DNER: variants seen among roughly 807,000 people sequenced by gnomAD.
The protein encoded by DNER is delta and Notch-like epidermal growth factor-related receptor.
DNER carries 33 observed loss-of-function variants against 78.2 expected under a neutral mutation model. The ratio of observed to expected loss-of-function variants is 0.42; its 90% CI spans 0.32 to 0.56. The LOEUF is 0.56. Among genes scored for constraint, DNER ranks in the 20% least tolerant of loss-of-function variants. The pLI, the probability that DNER is intolerant of heterozygous loss-of-function variation, is 0.11. For missense variants in DNER, 918 were observed against 975.3 expected, an observed-to-expected ratio of 0.94 and a Z score of 0.78; for synonymous variants, 417 against 384.8, an observed-to-expected ratio of 1.08 and a Z score of -0.98.
At chr2:229,632,006 C>G (rs1698440785) in intron 1 of DNER, among the ~76,000 whole-genome samples, 1 of 152,180 alleles carries the variant, frequency 6.6e-6, no homozygotes, top group Non-Finnish European at 1.5e-5. Flanking sequence ...AGTATTTTTC[C>G]TAACCCAATA....
intron 1 of DNER, among the ~76,000 whole-genome samples, chr2:229,619,705 T>A (rs1380426628): frequency 6.6e-6 from 1 of 152,224 alleles, no homozygotes; most frequent in Non-Finnish European, 1.5e-5. Flanking sequence ...TATCAGAATT[T>A]AAAGAATAAA....
At chr2:229,635,361 GAAAAAAA>G (rs58220819) in intron 1 of DNER, among the ~76,000 whole-genome samples, 8,065 of 86,002 alleles carry the variant, frequency 0.094, 341 homozygotes, top group Non-Finnish European at 0.13. Context: ...GGTCCCACAG[GAAAAAAA>G]AAAAAAAAAA....
chr2:229,413,403 A>C (rs1196978185), intron 9 of DNER, among the ~76,000 whole-genome samples: 1 of 138,662 alleles, frequency 7.2e-6, no homozygotes. Flanking sequence ...GCTCACTGCA[A>C]TCTCCGCCTC....
At chr2:229,586,785 C>A (rs751394691) in intron 3 of DNER, 55 of 985,814 alleles carry the variant, frequency 5.6e-5, no homozygotes, top group Non-Finnish European at 6.3e-5. Context: ...TTCCCAACAT[C>A]CCAACAGCTG....
chr2:229,490,297 C>T (rs1011036042), intron 6 of DNER, among the ~76,000 whole-genome samples: 1 of 152,104 alleles, frequency 6.6e-6, no homozygotes, highest in Admixed American at 6.6e-5. Flanking sequence ...GTCTTGGCAG[C>T]ATTATTCACA....
chr2:229,589,843 T>G (rs1472729932), intron 2 of DNER, among the ~76,000 whole-genome samples: 5 of 152,104 alleles, frequency 3.3e-5, no homozygotes, highest in Non-Finnish European at 7.4e-5. Context: ...AGTTCACAGT[T>G]TTTTAGGTAA....
intron 11 of DNER, among the ~76,000 whole-genome samples, chr2:229,371,393 T>C (rs914555337): frequency 2.0e-5 from 3 of 152,228 alleles, no homozygotes; most frequent in African/African-American, 7.2e-5. Flanking sequence ...TGAACCAGAA[T>C]ATGCCAGATG....
At chr2:229,394,225 A>G (rs1693082034) in intron 10 of DNER, among the ~76,000 whole-genome samples, 1 of 152,186 alleles carries the variant, frequency 6.6e-6, no homozygotes, top group African/African-American at 2.4e-5. Context: ...CCCTTCGGTC[A>G]AAACAACCTT....
At chr2:229,638,120 T>C (rs1230003356) in intron 1 of DNER, among the ~76,000 whole-genome samples, 2 of 152,212 alleles carry the variant, frequency 1.3e-5, no homozygotes, top group African/African-American at 4.8e-5. Flanking sequence ...GTGGTTTATA[T>C]ATCAATTCTT....
chr2:229,635,361 G>GGA (rs1491321795), intron 1 of DNER, among the ~76,000 whole-genome samples: 6 of 85,876 alleles, frequency 7.0e-5, no homozygotes, highest in African/African-American at 2.5e-4. Context: ...GGTCCCACAG[G>GGA]AAAAAAAAAA....
At chr2:229,636,347 T>C (rs1698531614) in intron 1 of DNER, among the ~76,000 whole-genome samples, 1 of 152,016 alleles carries the variant, frequency 6.6e-6, no homozygotes, top group South Asian at 2.1e-4. Context: ...TGCCAAGTCA[T>C]AGGGAAGATA....
At chr2:229,402,211 A>C (rs1693282615) in intron 10 of DNER, among the ~76,000 whole-genome samples, 1 of 152,170 alleles carries the variant, frequency 6.6e-6, no homozygotes, top group Admixed American at 6.5e-5. Flanking sequence ...GATACCATTA[A>C]AAAAATGCAT....
At chr2:229,479,678 A>T (rs545360002) in intron 6 of DNER, among the ~76,000 whole-genome samples, 1 of 149,464 alleles carries the variant, frequency 6.7e-6, no homozygotes, top group Non-Finnish European at 1.5e-5. Flanking sequence ...GCGCCACTGC[A>T]CTCCAGCCTG....
At chr2:229,434,878 C>A (rs1694087883) in intron 8 of DNER, among the ~76,000 whole-genome samples, 1 of 151,018 alleles carries the variant, frequency 6.6e-6, no homozygotes, top group Admixed American at 6.6e-5. Context: ...TTTCTTTCTC[C>A]TCAAATCTGC....
At chr2:229,374,790 A>T (rs1379088431) in intron 11 of DNER, among the ~76,000 whole-genome samples, 9 of 144,062 alleles carry the variant, frequency 6.2e-5, no homozygotes, top group Admixed American at 3.4e-4. Context: ...ACTCACATTT[A>T]AAAAAAAAAA....
chr2:229,647,323 G>C (rs934375959), intron 1 of DNER, among the ~76,000 whole-genome samples: 1 of 152,152 alleles, frequency 6.6e-6, no homozygotes, highest in African/African-American at 2.4e-5. Context: ...GACAGCAAGG[G>C]CAAATTATTT....
chr2:229,496,118 C>T (rs1402959203), intron 6 of DNER, among the ~76,000 whole-genome samples: 2 of 152,138 alleles, frequency 1.3e-5, no homozygotes, highest in African/African-American at 4.8e-5. Context: ...AATGGAAAAC[C>T]ACCACAGGCT....
chr2:229,641,531 A>G (rs1177932395), intron 1 of DNER, among the ~76,000 whole-genome samples: 1 of 106,142 alleles, frequency 9.4e-6, no homozygotes, highest in African/African-American at 3.6e-5. Context: ...ACACACACAC[A>G]CTTGCTCACC....
At chr2:229,463,005 C>T (rs1375860316) in intron 7 of DNER, among the ~76,000 whole-genome samples, 3 of 152,130 alleles carry the variant, frequency 2.0e-5, no homozygotes, top group Non-Finnish European at 2.9e-5. Context: ...ATCCTAGGTA[C>T]ATATCCCTTT....
Sources: gnomAD v4.1 joint callset for allele counts (sites outside exome capture counted in the v4.1 genomes callset) on GRCh38, gnomAD v4.1.1 for gene constraint, MANE v1.5 for transcripts, NCBI Gene and HGNC (gene_info 2026-07-23, HGNC 2026-07-21) for gene names.